ATP8A2: variants seen among roughly 807,000 people sequenced by gnomAD.
ATP8A2 encodes phospholipid-transporting ATPase IB.
A neutral mutation model predicts 165.6 loss-of-function variants in ATP8A2; 100 were observed. That is an observed-to-expected ratio of 0.60 (90% CI 0.51 to 0.71). The LOEUF is 0.71. Ranked by LOEUF, ATP8A2 falls within the 30% of genes least tolerant of loss-of-function variation. The probability of loss-of-function intolerance (pLI) is 0.00; values close to 1 mark genes in which losing one functional copy is unlikely to be tolerated. For missense variants in ATP8A2, 1,227 were observed against 1,479.5 expected, an observed-to-expected ratio of 0.83 and a Z score of 2.80; for synonymous variants, 543 against 548.8, an observed-to-expected ratio of 0.99 and a Z score of 0.15.
chr13:25,976,627 T>C (rs1302953154), intron 35 of ATP8A2, among the ~76,000 whole-genome samples: 1 of 151,968 alleles, frequency 6.6e-6, no homozygotes, highest in South Asian at 2.1e-4. Flanking sequence ...GCTAGAGAAT[T>C]GTAGTTGCAT....
At chr13:25,978,478 G>A (rs146406586) in intron 35 of ATP8A2, among the ~76,000 whole-genome samples, 3 of 152,260 alleles carry the variant, frequency 2.0e-5, no homozygotes, top group African/African-American at 4.8e-5. Flanking sequence ...GGGAATAACC[G>A]GATTCTACTG....
At chr13:25,972,121 C>G (rs983004535) in intron 35 of ATP8A2, among the ~76,000 whole-genome samples, 1 of 152,110 alleles carries the variant, frequency 6.6e-6, no homozygotes, top group Non-Finnish European at 1.5e-5. Context: ...TTTAGAAAAC[C>G]CTCTTGTACC....
intron 27 of ATP8A2, among the ~76,000 whole-genome samples, chr13:25,824,796 T>C (rs898322050): frequency 6.6e-6 from 1 of 152,162 alleles, no homozygotes; most frequent in Non-Finnish European, 1.5e-5. Flanking sequence ...ACTGCCCTGC[T>C]GTCTTCCCTG....
At chr13:25,699,666 A>G (rs914817107) in intron 25 of ATP8A2, among the ~76,000 whole-genome samples, 4 of 152,172 alleles carry the variant, frequency 2.6e-5, no homozygotes, top group Non-Finnish European at 4.4e-5. Context: ...GGTCCAACCT[A>G]CTGCACATGT....
chr13:25,384,957 G>A (rs1268959170), intron 1 of ATP8A2, among the ~76,000 whole-genome samples: 1 of 152,124 alleles, frequency 6.6e-6, no homozygotes, highest in East Asian at 1.9e-4. Flanking sequence ...GCCCCGGGTT[G>A]GGCTGCACCA....
chr13:25,825,771 T>A (rs1204186190), intron 27 of ATP8A2, among the ~76,000 whole-genome samples: 1 of 151,806 alleles, frequency 6.6e-6, no homozygotes, highest in Non-Finnish European at 1.5e-5. Flanking sequence ...TGGCTATTAT[T>A]TGAATAAATG....
At chr13:25,931,621 C>G (rs1309246225) in intron 33 of ATP8A2, among the ~76,000 whole-genome samples, 1 of 152,092 alleles carries the variant, frequency 6.6e-6, no homozygotes, top group East Asian at 1.9e-4. Context: ...AGGCTGAGAG[C>G]ACTGAACAGT....
At chr13:25,539,977 T>C (rs1222110085) in intron 7 of ATP8A2, among the ~76,000 whole-genome samples, 1 of 152,186 alleles carries the variant, frequency 6.6e-6, no homozygotes, top group Non-Finnish European at 1.5e-5. Context: ...GCCCCAGACT[T>C]GAAGGATTGC....
intron 1 of ATP8A2, among the ~76,000 whole-genome samples, chr13:25,461,824 T>G (rs1383680893): frequency 6.8e-6 from 1 of 146,948 alleles, no homozygotes; most frequent in Non-Finnish European, 1.5e-5. Context: ...TTTAAAGATG[T>G]GTGAGGAAGA....
In ATP8A2 at chr13:25,846,866, T is replaced by G. The variant is rs369480460; in HGVS notation, c.2956+7242T>G. Among the ~76,000 whole-genome samples the G allele has an allele frequency of 2.6e-5, 4 of 152,322 alleles. No homozygotes were observed. In the South Asian group the frequency reaches 6.2e-4, roughly 24 times the overall value. ...TCCCCTTCTCCACCTGGTTGCACAA[T>G]GTCCTAAACCCGCCAGGAGAATGTG... On this transcript the variant is annotated intron_variant, in intron 30 of 36. Transcript: ENST00000381655.
At chr13:25,889,190 T>G (rs1219357773) in intron 33 of ATP8A2, among the ~76,000 whole-genome samples, 2 of 147,600 alleles carry the variant, frequency 1.4e-5, no homozygotes, top group Admixed American at 6.8e-5. Flanking sequence ...CCCCATTTCC[T>G]AATAGGAACC....
intron 2 of ATP8A2, among the ~76,000 whole-genome samples, chr13:25,488,204 T>C (rs897916671): frequency 3.3e-5 from 5 of 152,206 alleles, no homozygotes; most frequent in African/African-American, 4.8e-5. Context: ...TTATCTTCTT[T>C]ATTATATTTA....
chr13:25,458,067 A>G (rs144953369), intron 1 of ATP8A2, among the ~76,000 whole-genome samples: 104 of 152,314 alleles, frequency 6.8e-4, no homozygotes, highest in African/African-American at 2.4e-3. Context: ...AAGCAAATGA[A>G]TGTGTTTTTC....
intron 27 of ATP8A2, among the ~76,000 whole-genome samples, chr13:25,782,116 C>A (rs1269508903): frequency 1.3e-5 from 2 of 152,196 alleles, no homozygotes; most frequent in African/African-American, 2.4e-5. Context: ...AACTATACCT[C>A]AAAACAATGT....
intron 25 of ATP8A2, among the ~76,000 whole-genome samples, chr13:25,717,149 G>A (rs774277444): frequency 2.6e-5 from 4 of 152,144 alleles, no homozygotes; most frequent in South Asian, 2.1e-4. Flanking sequence ...AAGAATGGCC[G>A]CTTGTTCATT....
intron 33 of ATP8A2, among the ~76,000 whole-genome samples, chr13:25,952,977 A>G (rs1335492736): frequency 2.6e-5 from 4 of 152,218 alleles, no homozygotes; most frequent in African/African-American, 9.6e-5. Context: ...AATACAAAGA[A>G]GCTCCCTTGA....
intron 28 of ATP8A2, among the ~76,000 whole-genome samples, chr13:25,830,353 A>G (rs1222414258): frequency 6.6e-6 from 1 of 152,046 alleles, no homozygotes. Context: ...ATTATATTTT[A>G]TGCAGTTTTT....
chr13:25,517,655 AGAG>A (rs2037523936), intron 2 of ATP8A2, among the ~76,000 whole-genome samples: 1 of 152,250 alleles, frequency 6.6e-6, no homozygotes, highest in Non-Finnish European at 1.5e-5. Flanking sequence ...ATAGTCTAAA[AGAG>A]CACTAATACC....
chr13:25,742,655 T>TTCTCTC, intron 25 of ATP8A2, among the ~76,000 whole-genome samples: 1 of 144,908 alleles, frequency 6.9e-6, no homozygotes, highest in Non-Finnish European at 1.5e-5. Flanking sequence ...CACTCCACTT[T>TTCTCTC]TCTCTCTCTC....
Sources: gnomAD v4.1 joint callset for allele counts (sites outside exome capture counted in the v4.1 genomes callset) on GRCh38, gnomAD v4.1.1 for gene constraint, MANE v1.5 for transcripts, NCBI Gene and HGNC (gene_info 2026-07-23, HGNC 2026-07-21) for gene names.